The following KHDRBS2 variants were observed in gnomAD, a reference collection of about 807,000 sequenced individuals.
KHDRBS2 encodes the protein KH RNA binding domain containing, signal transduction associated 2, also known as KH domain-containing, RNA-binding, signal transduction-associated protein 2.
In KHDRBS2, 26 loss-of-function variants were observed where a neutral mutation model predicts 44.3. That is an observed-to-expected ratio of 0.59 (90% confidence interval 0.43 to 0.81). KHDRBS2 has a LOEUF of 0.81. Ranked by LOEUF, KHDRBS2 falls within the 40% of genes least tolerant of loss-of-function variation. KHDRBS2 has a pLI of 0.00. For missense variants in KHDRBS2, 476 were observed against 433.1 expected, an observed-to-expected ratio of 1.10 and a Z score of -0.88; for synonymous variants, 194 against 151.1, an observed-to-expected ratio of 1.28 and a Z score of -2.08.
chr6:62,148,668 C>A (rs746175804), intron 2 of KHDRBS2, among the ~76,000 whole-genome samples: 1 of 151,830 alleles, frequency 6.6e-6, no homozygotes, highest in Non-Finnish European at 1.5e-5. Flanking sequence ...CATTTGCTCA[C>A]GAAAAAAATC....
intron 2 of KHDRBS2, among the ~76,000 whole-genome samples, chr6:62,055,752 T>C (rs1356306656): frequency 1.3e-5 from 2 of 152,006 alleles, no homozygotes; most frequent in Non-Finnish European, 2.9e-5. Flanking sequence ...AGGTTCACTT[T>C]CGTGGTGGGT....
At chr6:61,911,611 T>C (rs1806058371) in intron 4 of KHDRBS2, among the ~76,000 whole-genome samples, 1 of 152,150 alleles carries the variant, frequency 6.6e-6, no homozygotes, top group South Asian at 2.1e-4. Flanking sequence ...TTTTGTTTTA[T>C]TTTTAAAGTG....
chr6:62,049,494 A>T, intron 2 of KHDRBS2, among the ~76,000 whole-genome samples: 1 of 13,270 alleles, frequency 7.5e-5, no homozygotes, highest in Admixed American at 1.6e-3. Flanking sequence ...AAAGAGCACC[A>T]AAAAAAAAAA....
chr6:61,957,658 A>G (rs953324981), intron 4 of KHDRBS2, among the ~76,000 whole-genome samples: 21 of 152,260 alleles, frequency 1.4e-4, no homozygotes, highest in African/African-American at 4.3e-4. Context: ...TCCTGATAAG[A>G]TGTTATCAAT....
At position 61,785,414 on chromosome 6, in the gene KHDRBS2, G is replaced by A. The variant is rs1177518470; in HGVS notation, c.811-52650C>T. On this transcript the variant is annotated intron_variant, in intron 6 of 8. Transcript: ENST00000281156. ...TATTTTGAAGAGTAATTGGACAACA[G>A]TTATCAAAATTTAGTATGTACATAC... Among the ~76,000 whole-genome samples, 8 of 151,998 alleles carry A rather than the reference G, an allele frequency of 5.3e-5. No individual in the cohort carries two copies. The East Asian group carries it at 5.8e-4, about 11-fold the overall frequency.
chr6:61,698,354 G>C (rs996935408), intron 7 of KHDRBS2, among the ~76,000 whole-genome samples: 4 of 152,004 alleles, frequency 2.6e-5, no homozygotes, highest in Non-Finnish European at 5.9e-5. Context: ...TTACTCCCTA[G>C]GCAGTCTCAT....
the KHDRBS2 span, among the ~76,000 whole-genome samples, chr6:61,558,016 C>T: frequency 6.6e-6 from 1 of 152,046 alleles, no homozygotes; most frequent in African/African-American, 2.4e-5. Context: ...ATGTTTGGGT[C>T]TTTTCTCTTT....
At chr6:61,642,280 T>TACCTGATATACAGGTATACAGATATACAG in the KHDRBS2 span, among the ~76,000 whole-genome samples, 1 of 152,152 alleles carries the variant, frequency 6.6e-6, no homozygotes, top group Non-Finnish European at 1.5e-5. Context: ...CTATTACCTT[T>TACCTGATATACAGGTATACAGATATACAG]GTCTTATACC....
chr6:61,547,546 C>G, the KHDRBS2 span, among the ~76,000 whole-genome samples: 1 of 152,078 alleles, frequency 6.6e-6, no homozygotes, highest in Non-Finnish European at 1.5e-5. Context: ...GAAAGATACT[C>G]CTGTTACTGT....
intron 1 of KHDRBS2, among the ~76,000 whole-genome samples, chr6:62,200,296 G>A (rs2150137662): frequency 6.6e-6 from 1 of 152,210 alleles, no homozygotes; most frequent in South Asian, 2.1e-4. Flanking sequence ...GAGTGAACAG[G>A]CAACTGACAG....
intron 6 of KHDRBS2, among the ~76,000 whole-genome samples, chr6:61,745,625 A>G (rs1275669176): frequency 1.3e-5 from 2 of 152,032 alleles, no homozygotes; most frequent in Admixed American, 6.6e-5. Context: ...ACTAAGAACA[A>G]GATCAAGTTT....
In KHDRBS2 at chr6:62,062,612, G is replaced by A. The variant is rs558436142; in HGVS notation, c.220-14618C>T. The stretch of plus-strand genomic sequence containing the variant: ...AAAGACACAACATACCAGAATCTCT[G>A]GGACGCATTCAAAGCAGTGTGTAGA... On this transcript the variant is annotated intron_variant, in intron 2 of 8. Transcript: ENST00000281156. 3.4e-5 allele frequency among the ~76,000 whole-genome samples: 5 copies of A among 149,244 alleles called. No homozygotes were observed. In the South Asian group the frequency reaches 8.5e-4, roughly 25 times the overall value.
At chr6:62,211,463 A>T (rs1477446865) in intron 1 of KHDRBS2, among the ~76,000 whole-genome samples, 1 of 152,168 alleles carries the variant, frequency 6.6e-6, no homozygotes, top group Non-Finnish European at 1.5e-5. Flanking sequence ...GTTTTCCTTT[A>T]CAAAAATAAA....
chr6:62,263,893 A>G (rs1200593635), intron 1 of KHDRBS2, among the ~76,000 whole-genome samples: 1 of 151,746 alleles, frequency 6.6e-6, no homozygotes, highest in Non-Finnish European at 1.5e-5. Flanking sequence ...CTTTAATTTC[A>G]GGGATATCAT....
chr6:61,718,986 G>A (rs1771902615), intron 7 of KHDRBS2, among the ~76,000 whole-genome samples: 1 of 152,150 alleles, frequency 6.6e-6, no homozygotes, highest in African/African-American at 2.4e-5. Flanking sequence ...TTATATTTCA[G>A]AGGGAGGTGT....
chr6:61,553,225 T>G, the KHDRBS2 span, among the ~76,000 whole-genome samples: 1 of 152,196 alleles, frequency 6.6e-6, no homozygotes, highest in African/African-American at 2.4e-5. Flanking sequence ...CCTGGTTTAC[T>G]CTTGGGAGGT....
At position 61,978,058 on chromosome 6, in the gene KHDRBS2, A is replaced by T. The variant is rs372378021; in HGVS notation, c.483+8T>A. On this transcript the variant is annotated splice_region_variant and intron_variant, in intron 4 of 8. Transcript: ENST00000281156. The stretch of plus-strand genomic sequence containing the variant: ...GAAACATCTTTGTAAAAAATGAAAG[A>T]CACTTACAGGAACCAGGAATTTTTT... 2.5e-6 allele frequency: 4 copies of T among 1,573,766 alleles called. No homozygotes were observed. In the African/African-American group the frequency reaches 4.2e-5, roughly 16 times the overall value.
intron 6 of KHDRBS2, among the ~76,000 whole-genome samples, chr6:61,760,472 A>C (rs192329097): frequency 6.6e-6 from 1 of 152,112 alleles, no homozygotes; most frequent in East Asian, 1.9e-4. Flanking sequence ...AACTCTACAA[A>C]AAATACAAAA....
chr6:62,104,403 T>C (rs1046753617), intron 2 of KHDRBS2, among the ~76,000 whole-genome samples: 57 of 152,312 alleles, frequency 3.7e-4, no homozygotes, highest in Admixed American at 3.1e-3. Flanking sequence ...TAACTCGTCA[T>C]CTAGCATTAG....
Sources: allele counts gnomAD v4.1 joint callset (sites outside exome capture counted in the v4.1 genomes callset), GRCh38; gene constraint gnomAD v4.1.1; transcripts MANE v1.5; gene names NCBI Gene and HGNC (gene_info 2026-07-23, HGNC 2026-07-21).